PID1: variants seen among roughly 807,000 people sequenced by gnomAD.
PID1 encodes the protein phosphotyrosine interaction domain containing 1.
In PID1, 10 loss-of-function variants were observed where a neutral mutation model predicts 19.1. The observed-to-expected ratio is 0.52, with a 90% CI of 0.32 to 0.89. The LOEUF (loss-of-function observed/expected upper bound fraction) is 0.89, where lower values mean the gene tolerates loss of function less well. Ranked by LOEUF, PID1 falls within the 40% of genes least tolerant of loss-of-function variation. PID1 has a pLI of 0.03. For missense variants in PID1, 248 were observed against 285.3 expected (o/e 0.87, Z 0.94); for synonymous variants, 130 against 116.0 (o/e 1.12, Z -0.78).
chr2:229,139,069 A>AAGAAAG, intron 2 of PID1, among the ~76,000 whole-genome samples: 1 of 63,218 alleles, frequency 1.6e-5, no homozygotes, highest in African/African-American at 7.9e-5. Flanking sequence ...GAAAGAAAGA[A>AAGAAAG]AGAAAGAAAG....
At chr2:229,106,012 G>A (rs1695170136) in intron 2 of PID1, among the ~76,000 whole-genome samples, 1 of 149,300 alleles carries the variant, frequency 6.7e-6, no homozygotes, top group South Asian at 2.1e-4. Flanking sequence ...CCGGGAGGTG[G>A]AGCTTGCAGT....
chr2:229,064,338 T>C (rs1013506365), intron 2 of PID1, among the ~76,000 whole-genome samples: 1 of 152,008 alleles, frequency 6.6e-6, no homozygotes, highest in Non-Finnish European at 1.5e-5. Flanking sequence ...GGCATGATCA[T>C]GGTGGTGGGG....
intron 1 of PID1, among the ~76,000 whole-genome samples, chr2:229,261,097 T>C (rs949007568): frequency 6.6e-6 from 1 of 151,616 alleles, no homozygotes; most frequent in South Asian, 2.1e-4. Flanking sequence ...AATACTGGAG[T>C]GATGATGCCA....
At position 229,237,313 on chromosome 2, in the gene PID1, C is replaced by G. The variant is rs925196022; in HGVS notation, c.30+33701G>C. On this transcript the variant is annotated intron_variant, in intron 1 of 2. Coordinates refer to ENST00000392055, the MANE Select transcript of PID1 (RefSeq NM_001100818.2). ...AGGCAGTCAACACATAAAAAGATAT[C>G]TACAGTTATGAATTACTTTGGTGGA... Among the ~76,000 whole-genome samples, 7 of 152,282 alleles carry G rather than the reference C, an allele frequency of 4.6e-5. 2 individuals carry two copies. In the South Asian group the frequency reaches 1.4e-3, roughly 32 times the overall value.
chr2:229,130,787 T>C (rs144720861), intron 2 of PID1, among the ~76,000 whole-genome samples: 1 of 152,320 alleles, frequency 6.6e-6, no homozygotes, highest in African/African-American at 2.4e-5. Flanking sequence ...TGATGGGTTA[T>C]TTCCTGGGTC....
chr2:229,210,393 G>C (rs569110393), intron 1 of PID1, among the ~76,000 whole-genome samples: 1 of 130,502 alleles, frequency 7.7e-6, no homozygotes, highest in African/African-American at 2.6e-5. Flanking sequence ...GGCACCTGTA[G>C]TCCCAGCTAC....
Position 229,024,975 on chromosome 2 carries a change from G to A in PID1, c.*657C>T, listed in dbSNP as rs886116284. The A allele has an allele frequency of 2.0e-5, 3 of 152,824 alleles. No homozygotes were observed. The highest frequency in any genetic ancestry group is 4.8e-5 in the African/African-American group (2 of 41,448). 9.5% of individuals were successfully genotyped at this position (152,824 alleles called of 1,614,324 possible). On this transcript the variant is annotated 3_prime_UTR_variant, in exon 3 of 3. Coordinates refer to ENST00000392055, the MANE Select transcript of PID1 (RefSeq NM_001100818.2). ...GGGAAGGGGTCATTAGTAATTGCAA[G>A]TATTCTAAGAAAATAGATGAAGTGA...
chr2:229,137,170 T>C (rs376038871), intron 2 of PID1, among the ~76,000 whole-genome samples: 29 of 152,216 alleles, frequency 1.9e-4, no homozygotes, highest in Admixed American at 1.9e-3. Context: ...ATAAACCGCA[T>C]TGAGGAATGC....
chr2:229,059,044 A>T (rs911316348), intron 2 of PID1, among the ~76,000 whole-genome samples: 11 of 152,230 alleles, frequency 7.2e-5, no homozygotes, highest in African/African-American at 1.2e-4. Context: ...ATTCTTGAAC[A>T]CAAAATAAAA....
At chr2:229,216,383 T>C (rs1691846554) in intron 1 of PID1, among the ~76,000 whole-genome samples, 2 of 152,144 alleles carry the variant, frequency 1.3e-5, no homozygotes, top group Non-Finnish European at 1.5e-5. Context: ...AGCATCATTG[T>C]TTTGGGTGTT....
At chr2:229,219,265 G>A (rs1469634654) in intron 1 of PID1, among the ~76,000 whole-genome samples, 1 of 152,128 alleles carries the variant, frequency 6.6e-6, no homozygotes, top group Non-Finnish European at 1.5e-5. Context: ...AGATTTAACT[G>A]ACTCACAGTT....
chr2:229,120,951 A>T (rs1158767283), intron 2 of PID1, among the ~76,000 whole-genome samples: 2 of 151,602 alleles, frequency 1.3e-5, no homozygotes, highest in Non-Finnish European at 2.9e-5. Context: ...TCCTCCTTTG[A>T]CCTCCCACCA....
chr2:229,163,680 T>TGTGTGCGCGCGCGCGC (rs1365270238), intron 1 of PID1, among the ~76,000 whole-genome samples: 9 of 103,714 alleles, frequency 8.7e-5, no homozygotes, highest in African/African-American at 2.6e-4. Context: ...TGTGTGCGTG[T>TGTGTGCGCGCGCGCGC]GCGTGTGTGT....
intron 1 of PID1, among the ~76,000 whole-genome samples, chr2:229,264,329 A>C (rs1690539059): frequency 6.6e-6 from 1 of 152,168 alleles, no homozygotes; most frequent in African/African-American, 2.4e-5. Context: ...ACATGAGAGA[A>C]CTAACACTTC....
intron 2 of PID1, among the ~76,000 whole-genome samples, chr2:229,070,343 C>T (rs979288606): frequency 6.6e-6 from 1 of 152,164 alleles, no homozygotes; most frequent in Non-Finnish European, 1.5e-5. Context: ...TTAGTTTTAT[C>T]ATCGAAAATT....
chr2:229,087,211 C>T (rs1287971996), intron 2 of PID1, among the ~76,000 whole-genome samples: 1 of 151,940 alleles, frequency 6.6e-6, no homozygotes, highest in South Asian at 2.1e-4. Flanking sequence ...CAGATACTGA[C>T]TATTAAAAAA....
At chr2:229,116,985 G>A (rs1695423137) in intron 2 of PID1, among the ~76,000 whole-genome samples, 1 of 152,080 alleles carries the variant, frequency 6.6e-6, no homozygotes, top group Non-Finnish European at 1.5e-5. Flanking sequence ...GTTCCTTGGG[G>A]CTGCTCCTGG....
intron 1 of PID1, among the ~76,000 whole-genome samples, chr2:229,167,691 G>A (rs1277672856): frequency 2.0e-5 from 3 of 152,122 alleles, no homozygotes; most frequent in African/African-American, 7.2e-5. Context: ...ATATGAATCA[G>A]GTCCTAAAAT....
chr2:229,237,839 C>A (rs1178869562), intron 1 of PID1, among the ~76,000 whole-genome samples: 3 of 152,086 alleles, frequency 2.0e-5, no homozygotes, highest in Non-Finnish European at 4.4e-5. Context: ...GAAAGGAAGT[C>A]TATGGAATTA....
Sources: allele counts gnomAD v4.1 joint callset (sites outside exome capture counted in the v4.1 genomes callset), GRCh38; gene constraint gnomAD v4.1.1; transcripts MANE v1.5; gene names NCBI Gene and HGNC (gene_info 2026-07-23, HGNC 2026-07-21).